The following PTGFR variants were observed in gnomAD, a reference collection of about 807,000 sequenced individuals.
PTGFR encodes the protein prostaglandin F receptor.
In PTGFR, 15 loss-of-function variants were observed where a neutral mutation model predicts 26.2. The observed-to-expected ratio is 0.57, with a 90% CI of 0.38 to 0.88. The LOEUF (loss-of-function observed/expected upper bound fraction) is 0.88, where lower values mean the gene tolerates loss of function less well. PTGFR is among the 40% of genes least tolerant of loss of function. The pLI, the probability that PTGFR is intolerant of heterozygous loss-of-function variation, is 0.00. For missense variants in PTGFR, 369 were observed against 427.2 expected (o/e 0.86, Z 1.20); for synonymous variants, 165 against 151.1 (o/e 1.09, Z -0.68).
chr1:78,523,264 A>G (rs2100387954), intron 2 of PTGFR, among the ~76,000 whole-genome samples: 1 of 152,268 alleles, frequency 6.6e-6, no homozygotes, highest in East Asian at 1.9e-4. Context: ...GAACTGGCTT[A>G]CTGATATATT....
Position 78,493,211 on chromosome 1 carries a change from A to G in PTGFR, c.468A>G (p.Leu156=), listed in dbSNP as rs1477138677. 1 of 1,614,212 alleles carries G rather than the reference A, an allele frequency of 6.2e-7. No individual in the cohort carries two copies. The highest frequency in any genetic ancestry group is 8.5e-7 in the Non-Finnish European group (1 of 1,180,038). Residue 156 remains leucine (L), a synonymous_variant, in exon 2 of 3, where the codon TTA becomes TTG. Transcript: ENST00000370757. ...CATCCAAACATGTGAAAATGATGTTAAGTGGTGTGTGCTTGTTTGCTGTTT... is the reference window on the plus strand; with the variant it reads ...CATCCAAACATGTGAAAATGATGTTGAGTGGTGTGTGCTTGTTTGCTGTTT... The part of the protein sequence containing the change: ...KITSKHVKMM[L]SGVCLFAVFI...
intron 2 of PTGFR, among the ~76,000 whole-genome samples, chr1:78,523,521 G>A (rs1650295746): frequency 1.3e-5 from 2 of 152,026 alleles, no homozygotes; most frequent in Non-Finnish European, 2.9e-5. Flanking sequence ...AGTTTTGTGG[G>A]AAAGGAGAAT....
intron 2 of PTGFR, among the ~76,000 whole-genome samples, chr1:78,523,629 A>G (rs1650299330): frequency 6.6e-6 from 1 of 152,118 alleles, no homozygotes; most frequent in Non-Finnish European, 1.5e-5. Flanking sequence ...CAGATATGAT[A>G]AAGTTTTTGG....
intron 2 of PTGFR, 36 bp from the exon 3 acceptor site, chr1:78,536,370 T>C (rs773593166): frequency 1.4e-5 from 22 of 1,570,606 alleles, no homozygotes; most frequent in Non-Finnish European, 1.9e-5. Flanking sequence ...TTGAAAAGGC[T>C]GCATCAACTA....
At chr1:78,526,603 T>C (rs1309107697) in intron 2 of PTGFR, among the ~76,000 whole-genome samples, 1 of 152,122 alleles carries the variant, frequency 6.6e-6, no homozygotes, top group Non-Finnish European at 1.5e-5. Flanking sequence ...TTTGTGCTCT[T>C]TATAATATAG....
At chr1:78,501,544 G>GT (rs1242033091) in intron 2 of PTGFR, among the ~76,000 whole-genome samples, 1 of 152,140 alleles carries the variant, frequency 6.6e-6, no homozygotes, top group Non-Finnish European at 1.5e-5. Context: ...GCAGGGAGGT[G>GT]TTTTTTTCTC....
intron 2 of PTGFR, among the ~76,000 whole-genome samples, chr1:78,522,780 TA>T (rs908109966): frequency 1.3e-5 from 2 of 152,070 alleles, no homozygotes; most frequent in African/African-American, 4.8e-5. Flanking sequence ...CTGTTTTTTC[TA>T]AAAAAACAGT....
chr1:78,516,174 C>CAGAT (rs1192819381), intron 2 of PTGFR, among the ~76,000 whole-genome samples: 4 of 152,146 alleles, frequency 2.6e-5, no homozygotes, highest in African/African-American at 9.7e-5. Flanking sequence ...AAGTGCTTTA[C>CAGAT]AGATGTTAAC....
chr1:78,525,989 A>T (rs1455663588), intron 2 of PTGFR, among the ~76,000 whole-genome samples: 1 of 152,116 alleles, frequency 6.6e-6, no homozygotes, highest in East Asian at 1.9e-4. Flanking sequence ...GCATATTCTT[A>T]TATTACTAAT....
intron 2 of PTGFR, among the ~76,000 whole-genome samples, chr1:78,510,014 G>A (rs1649927262): frequency 6.6e-6 from 1 of 152,172 alleles, no homozygotes; most frequent in Non-Finnish European, 1.5e-5. Context: ...ACTTAAATCA[G>A]TTCAACTCAT....
intron 2 of PTGFR, among the ~76,000 whole-genome samples, chr1:78,533,596 C>T (rs1650573625): frequency 1.3e-5 from 2 of 152,194 alleles, no homozygotes; most frequent in Admixed American, 1.3e-4. Flanking sequence ...TGCCTACATA[C>T]AGCAGACACT....
At chr1:78,497,556 C>T (rs1055779142) in intron 2 of PTGFR, among the ~76,000 whole-genome samples, 3 of 152,050 alleles carry the variant, frequency 2.0e-5, no homozygotes, top group African/African-American at 7.2e-5. Context: ...GGTAACGATT[C>T]TTTTTAATGC....
intron 2 of PTGFR, among the ~76,000 whole-genome samples, chr1:78,528,967 G>A (rs1011916253): frequency 1.1e-4 from 16 of 152,036 alleles, no homozygotes; most frequent in Admixed American, 1.3e-4. Flanking sequence ...GCGAACCAAT[G>A]CACACATTTC....
intron 2 of PTGFR, among the ~76,000 whole-genome samples, chr1:78,530,873 C>T (rs555657284): frequency 9.3e-4 from 142 of 152,194 alleles, no homozygotes; most frequent in South Asian, 5.8e-3. Context: ...GCAGTGTGAA[C>T]TTGGGCAAGT....
chr1:78,495,107 A>AT (rs1430018192), intron 2 of PTGFR, among the ~76,000 whole-genome samples: 5 of 152,180 alleles, frequency 3.3e-5, no homozygotes, highest in Non-Finnish European at 5.9e-5. Flanking sequence ...TCATTCAAAT[A>AT]TTTTTTGTGT....
intron 2 of PTGFR, among the ~76,000 whole-genome samples, chr1:78,516,117 TA>T (rs1557654125): frequency 6.6e-6 from 1 of 152,146 alleles, no homozygotes; most frequent in Non-Finnish European, 1.5e-5. Flanking sequence ...TTAATTTTTT[TA>T]AAAAAACCAC....
At chr1:78,503,855 G>A (rs1282216693) in intron 2 of PTGFR, among the ~76,000 whole-genome samples, 1 of 152,244 alleles carries the variant, frequency 6.6e-6, no homozygotes, top group East Asian at 1.9e-4. Context: ...TGTAGCAGCA[G>A]TGGCATCAAT....
intron 2 of PTGFR, among the ~76,000 whole-genome samples, chr1:78,509,863 A>C (rs1333839320): frequency 6.6e-6 from 1 of 152,228 alleles, no homozygotes; most frequent in Non-Finnish European, 1.5e-5. Flanking sequence ...AGGTGACTGA[A>C]TGACCTATTT....
chr1:78,512,512 A>T (rs1649997810), intron 2 of PTGFR, among the ~76,000 whole-genome samples: 1 of 152,126 alleles, frequency 6.6e-6, no homozygotes, highest in Non-Finnish European at 1.5e-5. Context: ...ACTTTTTAAA[A>T]GAATCAGATC....
Sources: gnomAD v4.1 joint callset for allele counts (sites outside exome capture counted in the v4.1 genomes callset) on GRCh38, gnomAD v4.1.1 for gene constraint, MANE v1.5 for transcripts, NCBI Gene and HGNC (gene_info 2026-07-23, HGNC 2026-07-21) for gene names.